ULK4: variants seen among roughly 807,000 people sequenced by gnomAD.
The protein encoded by ULK4 is inactive serine/threonine-protein kinase ULK4.
A neutral mutation model predicts 160.6 loss-of-function variants in ULK4; 133 were observed. That is an observed-to-expected ratio of 0.83 (90% CI 0.72 to 0.96). The LOEUF is 0.96. Ranked by LOEUF, ULK4 falls within the 40% of genes least tolerant of loss-of-function variation. The pLI is 0.00. For synonymous variants in ULK4, 534 were observed against 539.8 expected, an observed-to-expected ratio of 0.99 and a Z score of 0.15; for missense variants, 1,580 against 1,499.5, an observed-to-expected ratio of 1.05 and a Z score of -0.89.
intron 31 of ULK4, among the ~76,000 whole-genome samples, chr3:41,579,108 GC>G (rs2030003105): frequency 6.6e-6 from 1 of 152,192 alleles, no homozygotes; most frequent in African/African-American, 2.4e-5. Context: ...TCCACAAGAA[GC>G]CCTTTGAACA....
chr3:41,358,128 G>C (rs1323533673), intron 35 of ULK4, among the ~76,000 whole-genome samples: 1 of 152,198 alleles, frequency 6.6e-6, no homozygotes, highest in Non-Finnish European at 1.5e-5. Flanking sequence ...ATGATCTCTA[G>C]CTACAGGACA....
chr3:41,789,559 AT>A, intron 21 of ULK4, 101 bp downstream of exon 21: 1 of 1,189,188 alleles, frequency 8.4e-7, no homozygotes, highest in Non-Finnish European at 1.1e-6. Flanking sequence ...GCCTCTTGGG[AT>A]AAAAAATGAA....
At chr3:41,375,909 C>G (rs1322056681) in intron 35 of ULK4, among the ~76,000 whole-genome samples, 1 of 149,930 alleles carries the variant, frequency 6.7e-6, no homozygotes, top group Non-Finnish European at 1.5e-5. Flanking sequence ...TATCCAGAAT[C>G]TACAAGGAAC....
intron 30 of ULK4, among the ~76,000 whole-genome samples, chr3:41,641,659 A>T (rs2034200368): frequency 6.6e-6 from 1 of 152,220 alleles, no homozygotes; most frequent in African/African-American, 2.4e-5. Context: ...TTCTAGGAAG[A>T]GTTCCAGAGC....
intron 35 of ULK4, among the ~76,000 whole-genome samples, chr3:41,289,727 G>A (rs184703896): frequency 1.4e-4 from 21 of 152,280 alleles, no homozygotes; most frequent in Non-Finnish European, 1.2e-4. Context: ...CAGCACTAGA[G>A]GGGAGAAGCC....
At chr3:41,406,690 A>G (rs1398647066) in intron 34 of ULK4, among the ~76,000 whole-genome samples, 1 of 151,902 alleles carries the variant, frequency 6.6e-6, no homozygotes, top group Non-Finnish European at 1.5e-5. Context: ...TCTTTTTTCT[A>G]CTTTCCTGTG....
chr3:41,759,669 T>A (rs1047183832), intron 21 of ULK4, among the ~76,000 whole-genome samples: 4 of 152,038 alleles, frequency 2.6e-5, no homozygotes, highest in Non-Finnish European at 5.9e-5. Flanking sequence ...AACTAGAATA[T>A]GCAAAACAAT....
chr3:41,497,353 T>TA (rs1419775362), intron 32 of ULK4, among the ~76,000 whole-genome samples: 1 of 151,984 alleles, frequency 6.6e-6, no homozygotes, highest in Non-Finnish European at 1.5e-5. Context: ...TTTGATTTTT[T>TA]AAAAACAGAG....
chr3:41,488,438 A>T (rs2084624740), intron 32 of ULK4, among the ~76,000 whole-genome samples: 1 of 152,194 alleles, frequency 6.6e-6, no homozygotes. Context: ...CTCTACACAC[A>T]CACATAACCC....
intron 29 of ULK4, among the ~76,000 whole-genome samples, chr3:41,668,383 A>G (rs1354264889): frequency 6.6e-6 from 1 of 152,204 alleles, no homozygotes; most frequent in Admixed American, 6.5e-5. Context: ...GGCATATACA[A>G]TAGTGATCAT....
chr3:41,644,243 G>T (rs1449471299), intron 30 of ULK4, among the ~76,000 whole-genome samples: 1 of 151,968 alleles, frequency 6.6e-6, no homozygotes, highest in South Asian at 2.1e-4. Flanking sequence ...AATAGGAGTG[G>T]TGAGAGAGGG....
At chr3:41,717,559 C>T (rs1223982187) in intron 23 of ULK4, among the ~76,000 whole-genome samples, 169 bp downstream of exon 23, 3 of 152,060 alleles carry the variant, frequency 2.0e-5, no homozygotes. Context: ...AAAATAATTA[C>T]AAAAACAGAT....
At chr3:41,261,867 G>A (rs980390582) in intron 35 of ULK4, among the ~76,000 whole-genome samples, 4 of 152,292 alleles carry the variant, frequency 2.6e-5, no homozygotes, top group South Asian at 2.1e-4. Flanking sequence ...CTCTCCTGGC[G>A]CTCTTAGATG....
At chr3:41,564,136 T>C (rs901662794) in intron 32 of ULK4, among the ~76,000 whole-genome samples, 4 of 152,230 alleles carry the variant, frequency 2.6e-5, no homozygotes, top group South Asian at 2.1e-4. Context: ...TGCAGGTCTG[T>C]TGGAGTTTGC....
intron 35 of ULK4, among the ~76,000 whole-genome samples, chr3:41,263,902 T>C (rs1264807809): frequency 6.6e-6 from 1 of 152,182 alleles, no homozygotes; most frequent in Non-Finnish European, 1.5e-5. Context: ...TCTGGAGAAA[T>C]AGCAGGGGGT....
intron 1 of ULK4, among the ~76,000 whole-genome samples, chr3:41,956,706 C>T (rs77317232): frequency 0.014 from 2,101 of 152,260 alleles, 45 homozygotes; most frequent in African/African-American, 0.047. Flanking sequence ...AGGAGTCAAT[C>T]CAAGTATCAT....
chr3:41,572,567 T>G (rs2088017160), intron 31 of ULK4, among the ~76,000 whole-genome samples: 1 of 150,690 alleles, frequency 6.6e-6, no homozygotes, highest in Admixed American at 6.6e-5. Flanking sequence ...GAGACCATCC[T>G]GGCTAACATG....
At chr3:41,618,944 TGAAAA>T (rs2033112764) in intron 30 of ULK4, among the ~76,000 whole-genome samples, 1 of 144,710 alleles carries the variant, frequency 6.9e-6, no homozygotes, top group African/African-American at 2.6e-5. Flanking sequence ...ACCAAGCAAA[TGAAAA>T]GAAAAAAAAA....
At chr3:41,875,458 T>C (rs1193717129) in intron 17 of ULK4, among the ~76,000 whole-genome samples, 1 of 152,082 alleles carries the variant, frequency 6.6e-6, no homozygotes, top group Non-Finnish European at 1.5e-5. Flanking sequence ...AGACTACGTC[T>C]CTACAAAAAA....
Sources: allele counts gnomAD v4.1 joint callset (sites outside exome capture counted in the v4.1 genomes callset), GRCh38; gene constraint gnomAD v4.1.1; transcripts MANE v1.5; gene names NCBI Gene and HGNC (gene_info 2026-07-23, HGNC 2026-07-21).